Variants in ZNF45 observed in about 807,000 individuals in gnomAD.
ZNF45 encodes zinc finger protein 45.
Under a neutral mutation model 12.0 loss-of-function variants are expected in ZNF45, and 4 were observed. That is an observed-to-expected ratio of 0.33 (90% CI 0.16 to 0.76). The LOEUF (loss-of-function observed/expected upper bound fraction) is 0.76. ZNF45 is among the 30% of genes least tolerant of loss of function. ZNF45 has a pLI of 0.60. For synonymous variants in ZNF45, 272 were observed against 279.6 expected (o/e 0.97, Z 0.27); for missense variants, 700 against 813.0 (o/e 0.86, Z 1.69).
chr19:43,926,105 A>G (rs1400191648), intron 3 of ZNF45, among the ~76,000 whole-genome samples: 1 of 152,220 alleles, frequency 6.6e-6, no homozygotes, highest in African/African-American at 2.4e-5. Context: ...TCAGCTTTAT[A>G]TCCCAAGTAC....
In ZNF45 at chr19:43,913,099, C is replaced by A. The variant is rs976670424; in HGVS notation, c.*288G>T. On this transcript the variant is annotated 3_prime_UTR_variant, in exon 10 of 10. Transcript: ENST00000269973. Reference sequence around the variant, plus strand: ...GATTTGGCAGTCAACAAAGTCCCTGCCCTCTTGGATCTTATATTCTAGTGG... The same window carrying A: ...GATTTGGCAGTCAACAAAGTCCCTGACCTCTTGGATCTTATATTCTAGTGG... 1 of 294,354 alleles carries A rather than the reference C, an allele frequency of 3.4e-6. No homozygotes were observed. The highest frequency in any genetic ancestry group is 6.3e-6 in the Non-Finnish European group (1 of 158,308). 18.2% of individuals were successfully genotyped at this position (294,354 alleles called of 1,614,324 possible).
Position 43,914,474 on chromosome 19 carries a change from G to A in ZNF45, c.962C>T (p.Ala321Val). 1 of 1,613,070 alleles carries A rather than the reference G, an allele frequency of 6.2e-7. No individual in the cohort carries two copies. The highest frequency in any genetic ancestry group is 8.5e-7 in the Non-Finnish European group (1 of 1,179,448). ...KSFSWRSRLQ[A>V]HERIHTGEKP... The stretch of plus-strand genomic sequence containing the variant: ...CTCGCCAGTGTGGATTCGCTCATGA[G>A]CCTGCAGTCGTGAACGCCAACTGAA... Residue 321 changes from alanine (A) to valine (V), a missense_variant, in exon 10 of 10, where the codon GCT becomes GTT. By Grantham distance (64) the Ala-to-Val change is moderately conservative. Transcript: ENST00000269973.
At chr19:43,921,849 T>C (rs556759218) in intron 7 of ZNF45, among the ~76,000 whole-genome samples, 4 of 152,338 alleles carry the variant, frequency 2.6e-5, no homozygotes, top group African/African-American at 9.6e-5. Flanking sequence ...ACAATGCTTA[T>C]AAATACGCAG....
At position 43,926,895 on chromosome 19, in the gene ZNF45, C is replaced by T. The variant is rs537235225; in HGVS notation, c.-399-1437G>A. Among the ~76,000 whole-genome samples, 3 of 152,268 alleles carry T rather than the reference C, an allele frequency of 2.0e-5. No individual in the cohort carries two copies. In the South Asian group the frequency reaches 6.2e-4, roughly 32 times the overall value. ...ATTCAAACCATGATGACGTTCAAGT[C>T]ACAAAATTATCTGCAAGTCAGCAGG... On this transcript the variant is annotated intron_variant, in intron 3 of 9. Transcript: ENST00000269973.
At chr19:43,931,165 C>T (rs1359961323) in intron 3 of ZNF45, 3 of 152,116 alleles carry the variant, frequency 2.0e-5, no homozygotes, top group Non-Finnish European at 4.4e-5. Context: ...AAACTATGCA[C>T]ATTTGTTTAA....
chr19:43,928,724 A>G (rs1038116382), intron 3 of ZNF45, among the ~76,000 whole-genome samples: 1 of 152,254 alleles, frequency 6.6e-6, no homozygotes, highest in Non-Finnish European at 1.5e-5. Flanking sequence ...AAAGAACTAA[A>G]GAAGGTAAAA....
At chr19:43,932,893 T>C (rs1464985364) in intron 2 of ZNF45, among the ~76,000 whole-genome samples, 1 of 152,172 alleles carries the variant, frequency 6.6e-6, no homozygotes, top group African/African-American at 2.4e-5. Context: ...TGTGTGTGCC[T>C]CTCTCAAAAC....
intron 9 of ZNF45, among the ~76,000 whole-genome samples, chr19:43,917,142 CA>C (rs1418928536): frequency 2.6e-5 from 4 of 152,106 alleles, no homozygotes; most frequent in Non-Finnish European, 5.9e-5. Context: ...TTGCTTGTGA[CA>C]AGCATTAACA....
intron 3 of ZNF45, among the ~76,000 whole-genome samples, chr19:43,929,777 ATCT>A: frequency 6.6e-6 from 1 of 152,154 alleles, no homozygotes; most frequent in South Asian, 2.1e-4. Context: ...GGTCAATTAA[ATCT>A]TCTTGCAGGA....
In ZNF45 at chr19:43,932,702, G is replaced by A. The variant is rs1195472209; in HGVS notation, c.-486-12C>T. 1 of 152,182 alleles carries A rather than the reference G, an allele frequency of 6.6e-6. No homozygotes were observed. The highest frequency in any genetic ancestry group is 2.4e-5 in the African/African-American group (1 of 41,444). The allele number at this position is 152,182 out of a possible 1,614,324, so 9.4% of individuals were successfully genotyped here. On this transcript the variant is annotated splice_polypyrimidine_tract_variant and intron_variant, in intron 2 of 9. Transcript: ENST00000269973. ...GAGGTCCCTGAAGTCTAATGGGAGA[G>A]AGATAGGAAACCAAGAGTTATATGC...
chr19:43,915,947 A>G (rs1972627709), intron 9 of ZNF45, among the ~76,000 whole-genome samples: 1 of 152,176 alleles, frequency 6.6e-6, no homozygotes, highest in Non-Finnish European at 1.5e-5. Flanking sequence ...GAAGAGGTTT[A>G]TGGTAATAAC....
intron 9 of ZNF45, 30 bp from the exon 10 acceptor site, chr19:43,915,230 G>T: frequency 6.8e-7 from 1 of 1,466,042 alleles, no homozygotes; most frequent in South Asian, 1.6e-5. Context: ...GTGGAGATGG[G>T]GCATGTGAAT....
intron 9 of ZNF45, among the ~76,000 whole-genome samples, chr19:43,917,777 T>C (rs378112): frequency 0.48 from 73,436 of 151,638 alleles, 18,642 homozygotes; most frequent in East Asian, 0.81. Flanking sequence ...TGAGCCACCA[T>C]GACTGGCTGC....
intron 7 of ZNF45, 167 bp from the exon 8 acceptor site, chr19:43,919,866 GT>G (rs1319535840): frequency 3.2e-6 from 2 of 632,276 alleles, no homozygotes; most frequent in African/African-American, 3.9e-5. Context: ...TATATTTTAG[GT>G]TTTTCCTTTT....
chr19:43,914,612 G>A lies in ZNF45; in HGVS notation c.824C>T (p.Pro275Leu), dbSNP rs199803032. The change falls in exon 10 of 10, where the codon CCC becomes CTC. Residue 275 changes from proline (P) to leucine (L), a missense_variant. Physicochemically the swap from Pro to Leu is moderately conservative, Grantham distance 98. Transcript: ENST00000269973. ...CACCCCACACTCCTCACATTTATAG[G>A]GTTTCTCTCCCGTATGAACTATCAG... ...APLIVHTGEK[P>L]YKCEECGVGF... The A allele has an allele frequency of 7.4e-6, 12 of 1,613,624 alleles. No individual in the cohort carries two copies. The East Asian group carries it at 2.7e-4, about 36-fold the overall frequency.
intron 4 of ZNF45, among the ~76,000 whole-genome samples, chr19:43,924,967 G>A (rs996880305): frequency 7.2e-5 from 11 of 152,150 alleles, no homozygotes; most frequent in Non-Finnish European, 1.0e-4. Context: ...CTCCCTTGCT[G>A]CTGTGGACCA....
chr19:43,934,520 TC>T lies in ZNF45; in HGVS notation c.-582del, dbSNP rs3842425. On this transcript the variant is annotated 5_prime_UTR_variant, in exon 2 of 10. An upstream open reading frame in the 5' UTR loses its in-frame stop. Coordinates refer to ENST00000269973, the MANE Select transcript of ZNF45 (RefSeq NM_003425.4). Reference sequence around the variant, plus strand: ...AGCCAGGATGCTCTCCTTCCTCCTCTCCCGCAGCATTCTTTCAGAAGTCAGG... The same window carrying T: ...AGCCAGGATGCTCTCCTTCCTCCTCTCCGCAGCATTCTTTCAGAAGTCAGG... 0.35 allele frequency: 53,275 copies of T among 151,936 alleles called. 9,484 individuals carry two copies. Among genetic ancestry groups the T allele is most frequent in the Middle Eastern group, 0.43 (126 of 294 alleles). 9.4% of individuals were successfully genotyped at this position (151,936 alleles called of 1,614,324 possible).
chr19:43,914,720 T>C lies in ZNF45; in HGVS notation c.716A>G (p.Gln239Arg), dbSNP rs1177436075. The C allele has an allele frequency of 1.9e-6, 3 of 1,614,124 alleles. No individual in the cohort carries two copies. Among genetic ancestry groups the C allele is most frequent in the Non-Finnish European group, 1.7e-6 (2 of 1,180,050 alleles). Residue 239 changes from glutamine (Q) to arginine (R), a missense_variant, in exon 10 of 10, where the codon CAG becomes CGG. Transcript: ENST00000269973. The part of the protein sequence containing the change: ...FSQRSHLPHH[Q>R]RVPTGENPYK... ...TGGATTCTCTCCAGTGGGAACTCTC[T>C]GATGATGGGGAAGATGTGACCTCTG...
At chr19:43,931,590 G>A (rs1381170411) in intron 3 of ZNF45, among the ~76,000 whole-genome samples, 1 of 151,770 alleles carries the variant, frequency 6.6e-6, no homozygotes. Flanking sequence ...ATAACTTGTT[G>A]CATTTTTCAA....
Sources: gnomAD v4.1 joint callset for allele counts (sites outside exome capture counted in the v4.1 genomes callset) on GRCh38, gnomAD v4.1.1 for gene constraint, MANE v1.5 for transcripts, NCBI Gene and HGNC (gene_info 2026-07-23, HGNC 2026-07-21) for gene names.